Variants in FAM227A observed in about 807,000 individuals in gnomAD.
FAM227A encodes the protein family with sequence similarity 227 member A.
A neutral mutation model predicts 74.7 loss-of-function variants in FAM227A; 80 were observed. The observed-to-expected ratio is 1.07, with a 90% CI of 0.89 to 1.29. FAM227A has a LOEUF of 1.29. Among genes scored for constraint, FAM227A ranks in the 50% most tolerant of loss-of-function variants. The pLI is 0.00. For synonymous variants in FAM227A, 237 were observed against 241.8 expected (o/e 0.98, Z 0.19); for missense variants, 654 against 683.4 (o/e 0.96, Z 0.48).
chr22:38,618,915 G>A (rs1243492084), intron 11 of FAM227A, among the ~76,000 whole-genome samples: 16 of 151,450 alleles, frequency 1.1e-4, no homozygotes, highest in Admixed American at 1.3e-4. Context: ...GGCAGTGAAA[G>A]GTCTGATTCA....
At chr22:38,592,125 T>C (rs532300390) in intron 15 of FAM227A, among the ~76,000 whole-genome samples, 2 of 152,108 alleles carry the variant, frequency 1.3e-5, no homozygotes, top group East Asian at 3.9e-4. Flanking sequence ...ATTTTTTGTA[T>C]TTTCAGTAGA....
At chr22:38,605,749 A>G (rs577115987) in intron 12 of FAM227A, among the ~76,000 whole-genome samples, 2 of 152,118 alleles carry the variant, frequency 1.3e-5, no homozygotes, top group Admixed American at 6.5e-5. Context: ...GCTCTGGGGG[A>G]CTTGCAAAGT....
chr22:38,643,608 AC>A (rs1412781117), intron 3 of FAM227A, among the ~76,000 whole-genome samples: 1 of 152,044 alleles, frequency 6.6e-6, no homozygotes, highest in African/African-American at 2.4e-5. Flanking sequence ...TTCTTACAAA[AC>A]TAAACTCTCA....
At chr22:38,613,136 AAT>A (rs1355050256) in intron 11 of FAM227A, among the ~76,000 whole-genome samples, 46 of 88,522 alleles carry the variant, frequency 5.2e-4, no homozygotes, top group East Asian at 8.3e-4. Flanking sequence ...TTATATATAT[AAT>A]ATATATATTA....
At chr22:38,620,049 C>T (rs1466944911) in intron 11 of FAM227A, among the ~76,000 whole-genome samples, 163 bp downstream of exon 11, 1 of 152,136 alleles carries the variant, frequency 6.6e-6, no homozygotes, top group Non-Finnish European at 1.5e-5. Context: ...CCATGGGAGA[C>T]CTGGAGGCCT....
chr22:38,625,385 C>T (rs5995600), intron 9 of FAM227A, among the ~76,000 whole-genome samples: 3,553 of 140,508 alleles, frequency 0.025, 149 homozygotes, highest in African/African-American at 0.091. Context: ...CGAGATCCGT[C>T]TCAAAAAAAA....
rs893377310 is a variant in FAM227A, at chr22:38,583,870, T to A, written c.*2255A>T. On this transcript the variant is annotated 3_prime_UTR_variant, in exon 17 of 17. Coordinates refer to ENST00000535113, the MANE Select transcript of FAM227A (RefSeq NM_001013647.2). The stretch of plus-strand genomic sequence containing the variant: ...ATGAGCTACATTTCCCAAGATCTGC[T>A]TATCTGCTGCTTGGTTTGGGCAAAC... 6.6e-6 allele frequency: 1 copy of A among 152,382 alleles called. No homozygotes were observed. Among genetic ancestry groups the A allele is most frequent in the Non-Finnish European group, 1.5e-5 (1 of 68,176 alleles). The allele number at this position is 152,382 out of a possible 1,614,324, so 9.4% of individuals were successfully genotyped here. A position where few individuals can be genotyped will look rare whatever the true frequency, so the allele number is the denominator to read the frequency against.
At position 38,626,316 on chromosome 22, in the gene FAM227A, C is replaced by A. The variant is rs1225061914; in HGVS notation, c.727-13G>T. On this transcript the variant is annotated splice_polypyrimidine_tract_variant and intron_variant, in intron 8 of 16. Transcript: ENST00000535113. Reference sequence around the variant, plus strand: ...GTGATGGCAGCCTCTGCGGAGCAAGCCGAGCTCAGGCAACGTTCTCAACAT... The same window carrying A: ...GTGATGGCAGCCTCTGCGGAGCAAGACGAGCTCAGGCAACGTTCTCAACAT... 2 of 1,548,974 alleles carry A rather than the reference C, an allele frequency of 1.3e-6. No homozygotes were observed. The highest frequency in any genetic ancestry group is 1.2e-5 in the South Asian group (1 of 83,428).
chr22:38,617,874 G>A (rs2091611954), intron 11 of FAM227A, among the ~76,000 whole-genome samples: 1 of 152,150 alleles, frequency 6.6e-6, no homozygotes, highest in Non-Finnish European at 1.5e-5. Flanking sequence ...AGGAGGTTGA[G>A]GCAGTAGGAT....
intron 1 of FAM227A, among the ~76,000 whole-genome samples, chr22:38,654,775 C>CAAAAAAAAAA (rs34383650): frequency 2.4e-5 from 2 of 84,934 alleles, no homozygotes; most frequent in Admixed American, 1.4e-4. Context: ...CTAAAAATAC[C>CAAAAAAAAAA]AAAAAAAAAA....
intron 6 of FAM227A, among the ~76,000 whole-genome samples, chr22:38,635,407 C>T (rs2091985053): frequency 2.0e-5 from 3 of 151,920 alleles, no homozygotes; most frequent in Admixed American, 2.0e-4. Context: ...ATGATCAGAG[C>T]TGCTTTGGGG....
intron 3 of FAM227A, among the ~76,000 whole-genome samples, chr22:38,641,112 G>T (rs2092105303): frequency 7.5e-6 from 1 of 133,896 alleles, no homozygotes; most frequent in African/African-American, 2.9e-5. Context: ...GATAAGATTT[G>T]CACAGAAAGA....
chr22:38,653,425 G>A (rs2092349263), intron 1 of FAM227A, among the ~76,000 whole-genome samples: 1 of 148,086 alleles, frequency 6.8e-6, no homozygotes, highest in African/African-American at 2.5e-5. Flanking sequence ...TGCCCAGGCT[G>A]GAATGCAATG....
intron 8 of FAM227A, among the ~76,000 whole-genome samples, chr22:38,626,891 A>AAAAAATATATATATAT (rs1555966996): frequency 6.9e-5 from 4 of 57,684 alleles, no homozygotes; most frequent in Non-Finnish European, 8.8e-5. Flanking sequence ...AAAAAAAAAA[A>AAAAAATATATATATAT]ATATATATAT....
At chr22:38,655,546 A>C (rs2092381178) in intron 1 of FAM227A, among the ~76,000 whole-genome samples, 1 of 152,130 alleles carries the variant, frequency 6.6e-6, no homozygotes, top group African/African-American at 2.4e-5. Context: ...TTTTAAATGG[A>C]AGCAGTGCAA....
In FAM227A at chr22:38,584,596, C is replaced by T. The variant is rs1472226090; in HGVS notation, c.*1529G>A. The T allele has an allele frequency of 6.6e-6, 1 of 152,076 alleles. No homozygotes were observed. Among genetic ancestry groups the T allele is most frequent in the Non-Finnish European group, 1.5e-5 (1 of 68,056 alleles). 9.4% of individuals were successfully genotyped at this position (152,076 alleles called of 1,614,324 possible). A position where few individuals can be genotyped will look rare whatever the true frequency, so the allele number is the denominator to read the frequency against. On this transcript the variant is annotated 3_prime_UTR_variant, in exon 17 of 17. Coordinates refer to ENST00000535113, the MANE Select transcript of FAM227A (RefSeq NM_001013647.2). ...CCTGGGCAACACAGTGAGATCCCAT[C>T]TCTACAAAAAAATTTCTTTAAAAAT...
chr22:38,631,759 CA>C (rs141942359), intron 6 of FAM227A, among the ~76,000 whole-genome samples: 1,928 of 151,834 alleles, frequency 0.013, 45 homozygotes, highest in African/African-American at 0.044. Flanking sequence ...TGAAACTGGA[CA>C]GGGGGAGAAA....
chr22:38,592,352 G>T (rs2090957661), intron 15 of FAM227A, among the ~76,000 whole-genome samples: 1 of 152,124 alleles, frequency 6.6e-6, no homozygotes, highest in East Asian at 1.9e-4. Flanking sequence ...TTCACCTAAT[G>T]AGAATTTATT....
chr22:38,652,968 G>A (rs1484907174), intron 1 of FAM227A, among the ~76,000 whole-genome samples: 1 of 152,048 alleles, frequency 6.6e-6, no homozygotes, highest in East Asian at 1.9e-4. Flanking sequence ...CCCAACCCCA[G>A]GGCCATGGAT....
Sources: allele counts gnomAD v4.1 joint callset (sites outside exome capture counted in the v4.1 genomes callset), GRCh38; gene constraint gnomAD v4.1.1; transcripts MANE v1.5; gene names NCBI Gene and HGNC (gene_info 2026-07-23, HGNC 2026-07-21).